The following FLYWCH2 variants were observed in gnomAD, a reference collection of about 807,000 sequenced individuals.
FLYWCH2 encodes the protein FLYWCH family member 2.
Under a neutral mutation model 6.0 loss-of-function variants are expected in FLYWCH2, and 2 were observed. That is an observed-to-expected ratio of 0.33 (90% CI 0.14 to 1.04). FLYWCH2 has a LOEUF of 1.04. Among genes scored for constraint, FLYWCH2 ranks in the 50% least tolerant of loss-of-function variants. The probability of loss-of-function intolerance (pLI) is 0.45; values close to 1 mark genes in which losing one functional copy is unlikely to be tolerated. For missense variants in FLYWCH2, 192 were observed against 183.4 expected (o/e 1.05, Z -0.27); for synonymous variants, 87 against 79.3 (o/e 1.10, Z -0.52).
intron 1 of FLYWCH2, among the ~76,000 whole-genome samples, chr16:2,891,732 A>AT (rs1024209493): frequency 2.0e-5 from 3 of 150,050 alleles, no homozygotes; most frequent in African/African-American, 4.9e-5. Context: ...TAATTTGTTT[A>AT]TTTTTTATAG....
intron 1 of FLYWCH2, among the ~76,000 whole-genome samples, chr16:2,892,061 C>T (rs187129898): frequency 1.3e-5 from 2 of 150,844 alleles, no homozygotes; most frequent in African/African-American, 2.4e-5. Flanking sequence ...GAGTAGTGGC[C>T]GGCGCTTGTA....
intron 1 of FLYWCH2, among the ~76,000 whole-genome samples, chr16:2,886,360 C>T (rs1338797315): frequency 3.4e-5 from 5 of 146,908 alleles, no homozygotes; most frequent in Admixed American, 1.4e-4. Context: ...GCCACCAATC[C>T]AAAAAAGAAA....
chr16:2,891,758 A>G (rs545127715), intron 1 of FLYWCH2, among the ~76,000 whole-genome samples: 3 of 151,190 alleles, frequency 2.0e-5, no homozygotes, highest in Admixed American at 6.6e-5. Flanking sequence ...AGGTCTCGCT[A>G]TGTTGCCCAG....
rs993139992 is a variant in FLYWCH2 at position 2,888,774 on chromosome 16, G to A, written c.-200+5408G>A. ...GGCTACCTTGTCCTCCAAATGGAGAGTATGAGGAGATCTTCATAACCTTCA... is the reference window on the plus strand; with the variant it reads ...GGCTACCTTGTCCTCCAAATGGAGAATATGAGGAGATCTTCATAACCTTCA... On this transcript the variant is annotated intron_variant, in intron 1 of 3. Transcript: ENST00000396958. Among the ~76,000 whole-genome samples the A allele has an allele frequency of 1.9e-4, 29 of 152,212 alleles. No homozygotes were observed. The East Asian group carries it at 4.8e-3, about 25-fold the overall frequency.
chr16:2,885,820 GT>G (rs1206925017), intron 1 of FLYWCH2, among the ~76,000 whole-genome samples: 1 of 152,282 alleles, frequency 6.6e-6, no homozygotes, highest in East Asian at 1.9e-4. Flanking sequence ...GTGGACATGT[GT>G]TTTCCTTTCT....
intron 3 of FLYWCH2, chr16:2,896,982 G>A (rs2069830783): frequency 6.6e-6 from 4 of 602,520 alleles, no homozygotes; most frequent in Non-Finnish European, 1.2e-5. Context: ...TTGCCTCTCT[G>A]TGTCTGTTCC....
chr16:2,889,251 C>T (rs2069730391), intron 1 of FLYWCH2, among the ~76,000 whole-genome samples: 1 of 146,622 alleles, frequency 6.8e-6, no homozygotes, highest in South Asian at 2.2e-4. Flanking sequence ...CGCTCTGTCA[C>T]ACAGCTTGGA....
intron 1 of FLYWCH2, among the ~76,000 whole-genome samples, chr16:2,886,001 T>A (rs1000714423): frequency 2.0e-5 from 3 of 152,150 alleles, no homozygotes; most frequent in African/African-American, 7.2e-5. Flanking sequence ...CTTGCTATTA[T>A]CTGTTTTTTG....
At chr16:2,891,373 G>A (rs1029188653) in intron 1 of FLYWCH2, among the ~76,000 whole-genome samples, 1 of 152,136 alleles carries the variant, frequency 6.6e-6, no homozygotes, top group Non-Finnish European at 1.5e-5. Context: ...GACCAGAGTG[G>A]CAGGGTTCTC....
rs189725227 is a variant in FLYWCH2, at chr16:2,895,520, C to G, written c.-99+200C>G. ...TCCCAGCTACTCGGAGAGGTTGAGG[C>G]AGGAGAATGGCATGAACCCGGGAGG... On this transcript the variant is annotated intron_variant, in intron 2 of 3. Transcript: ENST00000396958. Among the ~76,000 whole-genome samples the G allele has an allele frequency of 2.2e-3, 329 of 152,342 alleles. 1 individual carries two copies. In the Middle Eastern group the frequency reaches 0.027, roughly 13 times the overall value.
chr16:2,885,021 C>T (rs866954534), intron 1 of FLYWCH2, among the ~76,000 whole-genome samples: 2 of 151,316 alleles, frequency 1.3e-5, no homozygotes, highest in Middle Eastern at 6.9e-3. Flanking sequence ...TGCAATTTAC[C>T]CATTTAAAGT....
chr16:2,887,564 T>A (rs1001459934), intron 1 of FLYWCH2, among the ~76,000 whole-genome samples: 1 of 151,660 alleles, frequency 6.6e-6, no homozygotes, highest in Non-Finnish European at 1.5e-5. Context: ...AATGTTTGTT[T>A]TTATTATTAT....
intron 1 of FLYWCH2, among the ~76,000 whole-genome samples, chr16:2,887,232 G>A (rs1236990178): frequency 5.3e-5 from 8 of 151,242 alleles, no homozygotes; most frequent in Non-Finnish European, 1.0e-4. Flanking sequence ...TGCAACCTCC[G>A]CCCCACTGGC....
intron 3 of FLYWCH2, among the ~76,000 whole-genome samples, chr16:2,897,124 G>A (rs2069832637): frequency 6.6e-6 from 1 of 152,210 alleles, no homozygotes; most frequent in South Asian, 2.1e-4. Context: ...CTAAGACCGG[G>A]GGCTTGATGG....
chr16:2,887,767 A>G (rs897254589), intron 1 of FLYWCH2, among the ~76,000 whole-genome samples: 2 of 151,544 alleles, frequency 1.3e-5, no homozygotes, highest in African/African-American at 4.9e-5. Context: ...AGATCTCACT[A>G]TGTTGCCTAG....
Position 2,887,753 on chromosome 16 carries a change from G to A in FLYWCH2, c.-200+4387G>A, listed in dbSNP as rs192494885. The stretch of plus-strand genomic sequence containing the variant: ...CCTGGTTAATAATATTTTTTTTAGA[G>A]ATGAGATCTCACTATGTTGCCTAGG... On this transcript the variant is annotated intron_variant, in intron 1 of 3. Coordinates refer to ENST00000396958, the MANE Select transcript of FLYWCH2 (RefSeq NM_138439.3). 9.1e-4 allele frequency among the ~76,000 whole-genome samples: 138 copies of A among 151,714 alleles called. 1 individual carries two copies. The highest frequency in any genetic ancestry group is 3.1e-3 in the African/African-American group (126 of 41,270).
At chr16:2,898,902 G>A in intron 3 of FLYWCH2, 147 bp from the exon 4 acceptor site, 1 of 546,746 alleles carries the variant, frequency 1.8e-6, no homozygotes, top group Non-Finnish European at 3.2e-6. Context: ...GTCCCTGAGT[G>A]GCAGTCACTT....
intron 1 of FLYWCH2, among the ~76,000 whole-genome samples, chr16:2,893,634 C>CTTTT (rs35147234): frequency 3.6e-4 from 40 of 111,916 alleles, no homozygotes; most frequent in Non-Finnish European, 6.0e-4. Flanking sequence ...TTCTTTTCTT[C>CTTTT]TTTTTTTTTT....
intron 1 of FLYWCH2, among the ~76,000 whole-genome samples, chr16:2,889,131 T>TG (rs1555476840): frequency 4.8e-5 from 5 of 103,530 alleles, no homozygotes; most frequent in South Asian, 2.2e-4. Flanking sequence ...TTGGTGTTTT[T>TG]TTGTTGTTGT....
Sources: gnomAD v4.1 joint callset for allele counts (sites outside exome capture counted in the v4.1 genomes callset) on GRCh38, gnomAD v4.1.1 for gene constraint, MANE v1.5 for transcripts, NCBI Gene and HGNC (gene_info 2026-07-23, HGNC 2026-07-21) for gene names.